IGSF9: variants seen among roughly 807,000 people sequenced by gnomAD.
IGSF9 encodes the protein immunoglobulin superfamily member 9, also known as protein turtle homolog A.
A neutral mutation model predicts 121.7 loss-of-function variants in IGSF9; 87 were observed. The observed-to-expected ratio is 0.71, with a 90% CI of 0.60 to 0.85. The LOEUF (loss-of-function observed/expected upper bound fraction) is 0.85. IGSF9 is among the 40% of genes least tolerant of loss of function. IGSF9 has a pLI of 0.00. For missense variants in IGSF9, 1,462 were observed against 1,565.3 expected, an observed-to-expected ratio of 0.93 and a Z score of 1.11; for synonymous variants, 640 against 648.4, an observed-to-expected ratio of 0.99 and a Z score of 0.20.
chr1:159,936,551 C>G (rs1408193336), intron 5 of IGSF9, 35 bp from the exon 6 acceptor site: 1 of 1,595,938 alleles, frequency 6.3e-7, no homozygotes, highest in Non-Finnish European at 8.6e-7. Context: ...AGTCCTTTCC[C>G]CTGCCAGCCT....
intron 6 of IGSF9, 56 bp downstream of exon 6, chr1:159,936,343 G>T: frequency 1.4e-6 from 2 of 1,467,096 alleles, no homozygotes; most frequent in African/African-American, 1.4e-5. Context: ...TCAGCCACAG[G>T]TCACAGCCCC....
chr1:159,929,804 G>T lies in IGSF9; in HGVS notation c.2160C>A (p.Val720=). 6.2e-7 allele frequency: 1 copy of T among 1,604,780 alleles called. No individual in the cohort carries two copies. Among genetic ancestry groups the T allele is most frequent in the East Asian group, 2.3e-5 (1 of 44,404 alleles). The change falls in exon 17 of 21, where the codon GTC becomes GTA. Residue 720 remains valine (V), a synonymous_variant. Transcript: ENST00000368094. The part of the protein sequence containing the change: ...TANVSTSGLE[V]YPSRTQLPGL... ...CCGGCAGCTGCGTGCGCGAAGGGTA[G>T]ACCTCCAGACCTAGGCAGGGGTCCA... is the stretch of plus-strand genomic sequence containing the variant.
At position 159,927,095 on chromosome 1, in the gene IGSF9, C is replaced by CAGAGAGAGAGAGAG. The variant is rs575352607; in HGVS notation, c.*249_*250insCTCTCTCTCTCTCT. 1.3e-3 allele frequency: 565 copies of CAGAGAGAGAGAGAG among 450,828 alleles called. 2 individuals are homozygous for CAGAGAGAGAGAGAG. The highest frequency in any genetic ancestry group is 2.6e-3 in the South Asian group (91 of 35,444). 27.9% of individuals were successfully genotyped at this position (450,828 alleles called of 1,614,324 possible). A position where few individuals can be genotyped will look rare whatever the true frequency, so the allele number is the denominator to read the frequency against. Reference sequence around the variant, plus strand: ...AAAACTTCACACACACACACACACACACAGAGAGAGAGAGAGAGAGAGAGA... The same window carrying CAGAGAGAGAGAGAG: ...AAAACTTCACACACACACACACACACAGAGAGAGAGAGAGACAGAGAGAGAGAGAGAGAGAGAGA... On this transcript the variant is annotated 3_prime_UTR_variant, in exon 21 of 21. Transcript: ENST00000368094.
At position 159,930,381 on chromosome 1, in the gene IGSF9, C is replaced by G. The variant is rs750057765; in HGVS notation, c.1872G>C (p.Leu624=). Residue 624 remains leucine (L), a synonymous_variant, in exon 15 of 21, where the codon CTG becomes CTC. Coordinates refer to ENST00000368094, the MANE Select transcript of IGSF9 (RefSeq NM_001135050.2). ...CTGCCACCAGACCCCGCGGAGGGGA[C>G]AGGGGAGGCGGTATCTCTGTTGGGG... ...GLPPTEIPPP[L]SPPRGLVAVR... The G allele has an allele frequency of 6.3e-7, 1 of 1,584,940 alleles. No homozygotes were observed. Among genetic ancestry groups the G allele is most frequent in the Non-Finnish European group, 8.6e-7 (1 of 1,163,986 alleles).
chr1:159,940,387 G>T (rs779845189), intron 3 of IGSF9, among the ~76,000 whole-genome samples: 10 of 152,238 alleles, frequency 6.6e-5, no homozygotes, highest in Non-Finnish European at 1.3e-4. Flanking sequence ...AGAACAGGAA[G>T]ATCGCCAGCA....
At position 159,932,319 on chromosome 1, in the gene IGSF9, C is replaced by T. The variant is rs2101877121; in HGVS notation, c.1245+193G>A. On this transcript the variant is annotated intron_variant, in intron 10 of 20. Transcript: ENST00000368094. This position sits in a 1 kb window ranked among gnomAD's most constrained non-coding sequence, Gnocchi z 4.1. ...TGGATGTGTGTGACTGATGTCCCAC[C>T]TCCCGAGCACCACCTCTGCAGAAAC... is the stretch of plus-strand genomic sequence containing the variant. The T allele has an allele frequency of 1.6e-6, 1 of 613,416 alleles. No individual in the cohort carries two copies. 38.0% of individuals were successfully genotyped at this position (613,416 alleles called of 1,614,324 possible).
chr1:159,930,053 C>A, intron 15 of IGSF9, 78 bp from the exon 16 acceptor site: 1 of 1,559,540 alleles, frequency 6.4e-7, no homozygotes, highest in Non-Finnish European at 8.7e-7. Context: ...AAAGACCGTG[C>A]ACGTGGGACG....
At position 159,929,345 on chromosome 1, in the gene IGSF9, A is replaced by G. The variant is rs1368555707; in HGVS notation, c.2369+6T>C. On this transcript the variant is annotated splice_donor_region_variant and intron_variant, in intron 18 of 20. Coordinates refer to ENST00000368094, the MANE Select transcript of IGSF9 (RefSeq NM_001135050.2). ...AGAAGAAAGCCAAGGAGGTGGAGGC[A>G]CTTACGGTGCAGCTGACTTCCCGGT... 8 of 1,614,014 alleles carry G rather than the reference A, an allele frequency of 5.0e-6. No homozygotes were observed. Among genetic ancestry groups the G allele is most frequent in the Non-Finnish European group, 6.8e-6 (8 of 1,179,842 alleles).
At position 159,928,459 on chromosome 1, in the gene IGSF9, G is replaced by A; in HGVS notation, c.2929C>T (p.Pro977Ser). 1.3e-6 allele frequency: 2 copies of A among 1,596,318 alleles called. No homozygotes were observed. Among genetic ancestry groups the A allele is most frequent in the Non-Finnish European group, 1.7e-6 (2 of 1,169,800 alleles). Residue 977 changes from proline to serine, a missense_variant, in exon 19 of 21, where the codon CCC becomes TCC. Pro to Ser is a moderately conservative substitution (Grantham distance 74). Coordinates refer to ENST00000368094, the MANE Select transcript of IGSF9 (RefSeq NM_001135050.2). ...ACAGCCCCAGGAAGTGATTCCCTGG[G>A]GGATACAGGAGGGGTTTCTGGAGAA... ...LRSPETPPVS[P>S]RESLPGAVVG...
chr1:159,929,841 C>T (rs758245949), intron 16 of IGSF9, 27 bp from the exon 17 acceptor site: 53 of 1,594,850 alleles, frequency 3.3e-5, no homozygotes, highest in Non-Finnish European at 4.5e-5. Context: ...GAGGGAGGGT[C>T]AGTGGACTCG....
chr1:159,941,711 G>C (rs577455979), intron 3 of IGSF9, among the ~76,000 whole-genome samples: 1 of 152,240 alleles, frequency 6.6e-6, no homozygotes. Context: ...GCAACATTAT[G>C]AATCTGTCCA....
chr1:159,933,939 T>C, intron 9 of IGSF9: 1 of 534,964 alleles, frequency 1.9e-6, no homozygotes, highest in Non-Finnish European at 3.3e-6. Context: ...CTCTTTGCCA[T>C]CATTTTCCCC....
chr1:159,943,207 G>C, intron 2 of IGSF9, 56 bp from the exon 3 acceptor site: 1 of 1,459,194 alleles, frequency 6.9e-7, no homozygotes, highest in Non-Finnish European at 9.3e-7. Context: ...TGCTGGGAGG[G>C]GGAGTGCCAT....
rs755072386 is a variant in IGSF9 at position 159,927,800 on chromosome 1, C to CA, written c.3317dup (p.Leu1106PhefsTer9). 1.2e-5 allele frequency: 20 copies of CA among 1,613,850 alleles called. No individual in the cohort carries two copies. Among genetic ancestry groups the CA allele is most frequent in the Non-Finnish European group, 1.4e-5 (17 of 1,179,984 alleles). ...CTTCAGGTCTGAGCCGGGAGCTGGC[C>CA]AAGCCCAGGTGCAAAGTCTCCAGCA... On this transcript the variant is annotated frameshift_variant, in exon 20 of 21. Coordinates refer to ENST00000368094, the MANE Select transcript of IGSF9 (RefSeq NM_001135050.2). LOFTEE classifies it high-confidence loss of function.
intron 3 of IGSF9, among the ~76,000 whole-genome samples, chr1:159,941,678 C>A (rs928119272): frequency 1.3e-5 from 2 of 152,262 alleles, no homozygotes; most frequent in Non-Finnish European, 2.9e-5. Context: ...TCTTCCACCT[C>A]CCCTTGCCTT....
intron 6 of IGSF9, among the ~76,000 whole-genome samples, chr1:159,935,313 A>C (rs1651145513): frequency 6.6e-6 from 1 of 152,142 alleles, no homozygotes; most frequent in Admixed American, 6.5e-5. Context: ...GGAACCTGCA[A>C]CAGCACCTGG....
intron 3 of IGSF9, among the ~76,000 whole-genome samples, chr1:159,939,283 A>G (rs1045815495): frequency 1.3e-5 from 2 of 152,078 alleles, no homozygotes; most frequent in African/African-American, 2.4e-5. Context: ...GGTGGAGTAC[A>G]GTGGTTTGAT....
chr1:159,931,762 C>A lies in IGSF9; in HGVS notation c.1362+50G>T. 1 of 1,467,404 alleles carries A rather than the reference C, an allele frequency of 6.8e-7. No homozygotes were observed. The highest frequency in any genetic ancestry group is 9.3e-7 in the Non-Finnish European group (1 of 1,072,072). 90.9% of individuals were successfully genotyped at this position (1,467,404 alleles called of 1,614,324 possible). Reference sequence around the variant, plus strand: ...CACAAAATGGCTGGGGCACGAGAGGCAGGGGTGTAGTGGGCGTGGGTACAG... The same window carrying A: ...CACAAAATGGCTGGGGCACGAGAGGAAGGGGTGTAGTGGGCGTGGGTACAG... On this transcript the variant is annotated intron_variant, in intron 11 of 20. Coordinates refer to ENST00000368094, the MANE Select transcript of IGSF9 (RefSeq NM_001135050.2). This position sits in a 1 kb window ranked among gnomAD's most constrained non-coding sequence, Gnocchi z 4.8.
Position 159,929,680 on chromosome 1 carries a change from G to T in IGSF9, c.2284C>A (p.Arg762=). Residue 762 remains arginine, a synonymous_variant, in exon 17 of 21, where the codon CGG becomes AGG. Transcript: ENST00000368094. ...VSILAGCLLN[R]RRAARRRRKR... ...CGGCGGCGGCGGGCAGCCCTGCGCC[G>T]GTTCAGGAGGCAGCCGGCCAGGATG... 1 of 1,596,626 alleles carries T rather than the reference G, an allele frequency of 6.3e-7. No individual in the cohort carries two copies. The highest frequency in any genetic ancestry group is 1.1e-5 in the South Asian group (1 of 88,320).
Sources: allele counts gnomAD v4.1 joint callset (sites outside exome capture counted in the v4.1 genomes callset), GRCh38; gene constraint gnomAD v4.1.1; non-coding constraint Gnocchi (gnomAD v3.1); transcripts MANE v1.5; gene names NCBI Gene and HGNC (gene_info 2026-07-23, HGNC 2026-07-21).